HDAC5: variants seen among roughly 807,000 people sequenced by gnomAD.
The protein encoded by HDAC5 is histone deacetylase 5.
Under a neutral mutation model 133.3 loss-of-function variants are expected in HDAC5, and 25 were observed. The ratio of observed to expected loss-of-function variants is 0.19; its 90% CI spans 0.14 to 0.26. The LOEUF is 0.26. Among genes scored for constraint, HDAC5 ranks in the 10% least tolerant of loss-of-function variants. The probability of loss-of-function intolerance (pLI) is 1.00; values close to 1 mark genes in which losing one functional copy is unlikely to be tolerated. For missense variants in HDAC5, 1,041 were observed against 1,460.5 expected (o/e 0.71, Z 4.68); for synonymous variants, 589 against 610.8 (o/e 0.96, Z 0.53).
At chr17:44,118,057 T>C (rs2052758554) in intron 1 of HDAC5, among the ~76,000 whole-genome samples, 1 of 152,194 alleles carries the variant, frequency 6.6e-6, no homozygotes, top group African/African-American at 2.4e-5. Context: ...TTCTGATCTG[T>C]ATCCATAGCA....
In HDAC5 at chr17:44,084,937, G is replaced by A. The variant is rs551909009; in HGVS notation, c.2184+85C>T. The A allele has an allele frequency of 8.0e-6, 12 of 1,493,212 alleles. No individual in the cohort carries two copies. The East Asian group carries it at 2.1e-4, about 26-fold the overall frequency. The allele number at this position is 1,493,212 out of a possible 1,614,324, so 92.5% of individuals were successfully genotyped here. On this transcript the variant is annotated intron_variant, in intron 15 of 26. Transcript: ENST00000682912. ...AGTCTGGGGCTGAAGAGAGGATGAG[G>A]AAGAAGCATGAAGAGAGGCTTATCT...
rs1295318087 is a variant in HDAC5, at chr17:44,110,811, A to G, written c.23-11T>C. The G allele has an allele frequency of 3.7e-6, 6 of 1,611,362 alleles. No homozygotes were observed. The highest frequency in any genetic ancestry group is 5.1e-6 in the Non-Finnish European group (6 of 1,178,258). On this transcript the variant is annotated splice_polypyrimidine_tract_variant and intron_variant, in intron 2 of 26. Transcript: ENST00000682912. ...GACCTGACATCCCATCTGCTGAGAA[A>G]CAGGATTCTGTCTCATAGATGGTCT... is the stretch of plus-strand genomic sequence containing the variant.
At position 44,100,049 on chromosome 17, in the gene HDAC5, C is replaced by T. The variant is rs559311602; in HGVS notation, c.95-6215G>A. On this transcript the variant is annotated intron_variant, in intron 3 of 26. Transcript: ENST00000682912. The stretch of plus-strand genomic sequence containing the variant: ...GTGGGGCAACCCCTGAGACTACTGC[C>T]AGCACAGCCTTAGTCTAAAAAAACG... 8.5e-5 allele frequency among the ~76,000 whole-genome samples: 13 copies of T among 152,296 alleles called. No individual in the cohort carries two copies. The East Asian group carries it at 2.1e-3, about 25-fold the overall frequency.
rs777782736 is a variant in HDAC5 at position 44,093,584 on chromosome 17, C to T, written c.345G>A (p.Lys115=). ...LTRQHEVQLQ[K]HLKQQQEMLA... ...CACCCCCCTCGCTCACCTTGAGGTG[C>T]TTCTGCAGCTGGACCTCATGCTGCC... Residue 115 remains lysine (K), a synonymous_variant, in exon 4 of 27, where the codon AAG becomes AAA. Transcript: ENST00000682912. 1.7e-5 allele frequency: 28 copies of T among 1,607,376 alleles called. No individual in the cohort carries two copies. The South Asian group carries it at 3.0e-4, about 17-fold the overall frequency.
chr17:44,088,631 T>C, intron 11 of HDAC5, 33 bp from the exon 12 acceptor site: 1 of 1,595,278 alleles, frequency 6.3e-7, no homozygotes, highest in South Asian at 1.1e-5. Flanking sequence ...TAAGCACCAT[T>C]GTCAGGGCAC....
Position 44,088,405 on chromosome 17 carries a change from C to T in HDAC5, c.1581G>A (p.Gln527=). The change falls in exon 12 of 27, where the codon CAG becomes CAA. Residue 527 remains glutamine, a synonymous_variant. Coordinates refer to ENST00000682912, the MANE Select transcript of HDAC5 (RefSeq NM_005474.5). ...HQQFLEKQKQ[Q]QLQLGKILTK... Reference sequence around the variant, plus strand: ...GGCTCACCTTGCCCAGCTGTAGCTGCTGCTGCTTCTGCTTCTCCAGGAACT... The same window carrying T: ...GGCTCACCTTGCCCAGCTGTAGCTGTTGCTGCTTCTGCTTCTCCAGGAACT... 1 of 1,556,028 alleles carries T rather than the reference C, an allele frequency of 6.4e-7. No homozygotes were observed. Among genetic ancestry groups the T allele is most frequent in the Non-Finnish European group, 8.7e-7 (1 of 1,150,518 alleles).
At chr17:44,079,303 G>A (rs760159597) in intron 23 of HDAC5, 26 bp from the exon 24 acceptor site, 1 of 1,608,052 alleles carries the variant, frequency 6.2e-7, no homozygotes, top group South Asian at 1.1e-5. Context: ...AAGGGAGGAA[G>A]AAGAAATGGC....
chr17:44,086,540 G>A, intron 14 of HDAC5, 32 bp downstream of exon 14: 11 of 1,287,262 alleles, frequency 8.5e-6, no homozygotes, highest in Non-Finnish European at 1.1e-5. Context: ...CTGGTGCCTG[G>A]CAGAAGGACC....
chr17:44,084,489 T>C lies in HDAC5; in HGVS notation c.2305+66A>G. On this transcript the variant is annotated intron_variant, in intron 16 of 26. Coordinates refer to ENST00000682912, the MANE Select transcript of HDAC5 (RefSeq NM_005474.5). ...CCCTCCTAGCCTGGTCAGGCAGTCT[T>C]CCTGAGAGCCCCCATCCCACCCTGA... 4 of 1,594,802 alleles carry C rather than the reference T, an allele frequency of 2.5e-6. No individual in the cohort carries two copies. In the South Asian group the frequency reaches 4.5e-5, roughly 18 times the overall value.
intron 2 of HDAC5, among the ~76,000 whole-genome samples, chr17:44,112,160 A>G (rs906232449): frequency 6.6e-6 from 1 of 152,194 alleles, no homozygotes; most frequent in African/African-American, 2.4e-5. Context: ...CAGGGTTTCT[A>G]TTAACAGGTA....
At chr17:44,091,647 GGACCT>G (rs1347531466) in intron 10 of HDAC5, 48 bp downstream of exon 10, 1 of 1,516,086 alleles carries the variant, frequency 6.6e-7, no homozygotes, top group Non-Finnish European at 8.8e-7. Context: ...GGGGCATGCA[GGACCT>G]GTGACCTCAA....
chr17:44,099,626 C>T (rs1248330106), intron 3 of HDAC5, among the ~76,000 whole-genome samples: 1 of 152,142 alleles, frequency 6.6e-6, no homozygotes, highest in East Asian at 1.9e-4. Context: ...AGGCACCCGC[C>T]ACCACGCCCA....
intron 1 of HDAC5, among the ~76,000 whole-genome samples, chr17:44,118,751 A>G (rs1415615034): frequency 6.6e-6 from 1 of 152,174 alleles, no homozygotes; most frequent in Admixed American, 6.5e-5. Flanking sequence ...AAAGCAAGGT[A>G]GCAGGAAGCC....
chr17:44,084,414 G>T, intron 16 of HDAC5, 141 bp downstream of exon 16: 1 of 992,430 alleles, frequency 1.0e-6, no homozygotes, highest in Non-Finnish European at 1.5e-6. Flanking sequence ...TGTGTGACGT[G>T]ATAATTGTGC....
In HDAC5 at chr17:44,083,863, A is replaced by G; in HGVS notation, c.2306-9T>C. On this transcript the variant is annotated splice_polypyrimidine_tract_variant and intron_variant, in intron 16 of 26. Coordinates refer to ENST00000682912, the MANE Select transcript of HDAC5 (RefSeq NM_005474.5). ...CTTCTGGCTGATGGGGCCTGCATGGAAGAGGAATAGAGCTACTCTAGAAGT... is the reference window on the plus strand; with the variant it reads ...CTTCTGGCTGATGGGGCCTGCATGGGAGAGGAATAGAGCTACTCTAGAAGT... 6.2e-7 allele frequency: 1 copy of G among 1,612,176 alleles called. No homozygotes were observed. Among genetic ancestry groups the G allele is most frequent in the Non-Finnish European group, 8.5e-7 (1 of 1,179,388 alleles).
At chr17:44,087,325 G>T (rs1187423727) in intron 13 of HDAC5, 87 bp downstream of exon 13, 1 of 687,536 alleles carries the variant, frequency 1.5e-6, no homozygotes, top group East Asian at 2.5e-5. Context: ...ACTGCAGATG[G>T]GGGAGAGGGA....
chr17:44,091,309 A>G lies in HDAC5; in HGVS notation c.1348T>C (p.Leu450=). ...GHASLLQHVL[L]LEQARQQSTL... ...CTCTGCTGCCGGGCCTGCTCCAGCA[A>G]CAGCACATGCTGCAGCAGGGAGGCA... Residue 450 remains leucine, a synonymous_variant, in exon 11 of 27, where the codon TTG becomes CTG. Transcript: ENST00000682912. 6.2e-7 allele frequency: 1 copy of G among 1,612,144 alleles called. No homozygotes were observed. Among genetic ancestry groups the G allele is most frequent in the Non-Finnish European group, 8.5e-7 (1 of 1,179,530 alleles).
At position 44,078,730 on chromosome 17, in the gene HDAC5, C is replaced by T. The variant is rs1188968295; in HGVS notation, c.3163+65G>A. ...GGACACCCACATGAACAGTCCCAGT[C>T]CTGGTGCTCCCACAAGCTCCGTGCC... On this transcript the variant is annotated intron_variant, in intron 25 of 26. Transcript: ENST00000682912. 8.1e-6 allele frequency: 13 copies of T among 1,610,680 alleles called. No individual in the cohort carries two copies. The East Asian group carries it at 2.9e-4, about 36-fold the overall frequency.
intron 3 of HDAC5, among the ~76,000 whole-genome samples, chr17:44,103,869 C>T (rs369176958): frequency 4.0e-4 from 61 of 151,978 alleles, no homozygotes; most frequent in African/African-American, 1.4e-3. Flanking sequence ...CCACCATGCC[C>T]GGCTAATTTT....
Sources: allele counts gnomAD v4.1 joint callset (sites outside exome capture counted in the v4.1 genomes callset), GRCh38; gene constraint gnomAD v4.1.1; transcripts MANE v1.5; gene names NCBI Gene and HGNC (gene_info 2026-07-23, HGNC 2026-07-21).